HEPHL1: variants seen among roughly 807,000 people sequenced by gnomAD.
HEPHL1 encodes the protein ferroxidase HEPHL1.
Under a neutral mutation model 122.0 loss-of-function variants are expected in HEPHL1, and 123 were observed. The observed-to-expected ratio is 1.01, with a 90% CI of 0.87 to 1.17. The LOEUF is 1.17. Among genes scored for constraint, HEPHL1 ranks in the 50% most tolerant of loss-of-function variants. The pLI is 0.00. For missense variants in HEPHL1, 1,452 were observed against 1,430.5 expected, an observed-to-expected ratio of 1.01 and a Z score of -0.24; for synonymous variants, 527 against 508.9, an observed-to-expected ratio of 1.04 and a Z score of -0.48.
intron 9 of HEPHL1, among the ~76,000 whole-genome samples, chr11:94,081,984 A>G (rs1946173935): frequency 6.6e-6 from 1 of 152,156 alleles, no homozygotes; most frequent in Non-Finnish European, 1.5e-5. Context: ...AACACATGGA[A>G]AGACCCTGAG....
chr11:94,088,525 T>C (rs1487045943), intron 11 of HEPHL1, among the ~76,000 whole-genome samples: 1 of 144,938 alleles, frequency 6.9e-6, no homozygotes, highest in Non-Finnish European at 1.5e-5. Flanking sequence ...TGTAAGTTTC[T>C]TTTTTTATAA....
chr11:94,106,459 A>AT (rs368515324), intron 17 of HEPHL1, among the ~76,000 whole-genome samples: 6 of 150,748 alleles, frequency 4.0e-5, no homozygotes, highest in Admixed American at 4.0e-4. Context: ...CGCCTGGCTA[A>AT]TTTTTTTTGT....
intron 1 of HEPHL1, among the ~76,000 whole-genome samples, chr11:94,031,855 G>A (rs536708721): frequency 9.8e-5 from 15 of 152,324 alleles, no homozygotes; most frequent in African/African-American, 3.1e-4. Context: ...TAAATAGCAC[G>A]GATCTCCTTC....
intron 13 of HEPHL1, among the ~76,000 whole-genome samples, chr11:94,094,746 C>T (rs1433759956): frequency 6.6e-6 from 1 of 152,148 alleles, no homozygotes; most frequent in Non-Finnish European, 1.5e-5. Flanking sequence ...TCTCTGATGG[C>T]CAGTGATGAT....
At chr11:94,023,866 G>A (rs1041978036) in intron 1 of HEPHL1, among the ~76,000 whole-genome samples, 1 of 152,186 alleles carries the variant, frequency 6.6e-6, no homozygotes, top group Non-Finnish European at 1.5e-5. Flanking sequence ...ATCAGTGCTA[G>A]TAGTTGTGGT....
chr11:94,089,664 A>G (rs1946249199), intron 12 of HEPHL1, among the ~76,000 whole-genome samples: 1 of 152,116 alleles, frequency 6.6e-6, no homozygotes, highest in Non-Finnish European at 1.5e-5. Context: ...ATGGAGTTAA[A>G]CAAGGGAGAA....
At chr11:94,094,593 T>G (rs1253850690) in intron 13 of HEPHL1, among the ~76,000 whole-genome samples, 24 of 152,338 alleles carry the variant, frequency 1.6e-4, no homozygotes, top group Middle Eastern at 6.8e-3. Flanking sequence ...CACAATGGTT[T>G]AACTAGTTTA....
chr11:94,064,178 C>T (rs1945782), intron 3 of HEPHL1, among the ~76,000 whole-genome samples, 153 bp from the exon 4 acceptor site: 143,816 of 152,270 alleles, frequency 0.94, 68,442 homozygotes, highest in East Asian at 1. Context: ...GCTCTGTCAT[C>T]TCCATTAAAG....
chr11:94,029,060 C>T (rs1044210500), intron 1 of HEPHL1, among the ~76,000 whole-genome samples: 1 of 152,160 alleles, frequency 6.6e-6, no homozygotes, highest in African/African-American at 2.4e-5. Flanking sequence ...AACTCCTAGC[C>T]TCAAGTGATC....
intron 9 of HEPHL1, among the ~76,000 whole-genome samples, chr11:94,080,387 G>A (rs1946161061): frequency 6.6e-6 from 1 of 152,294 alleles, no homozygotes; most frequent in African/African-American, 2.4e-5. Context: ...ATAGGCACAG[G>A]CAAAGATTTC....
At position 94,112,183 on chromosome 11, in the gene HEPHL1, A is replaced by T; in HGVS notation, c.*289A>T. Reference sequence around the variant, plus strand: ...TGGTTGGATTCACTGAATAGGAGACACTCTGAAAGATATCTTTATATTCCA... The same window carrying T: ...TGGTTGGATTCACTGAATAGGAGACTCTCTGAAAGATATCTTTATATTCCA... On this transcript the variant is annotated 3_prime_UTR_variant, in exon 20 of 20. Coordinates refer to ENST00000315765, the MANE Select transcript of HEPHL1 (RefSeq NM_001098672.2). 1 of 282,976 alleles carries T rather than the reference A, an allele frequency of 3.5e-6. No homozygotes were observed. 17.5% of individuals were successfully genotyped at this position (282,976 alleles called of 1,614,324 possible). A position where few individuals can be genotyped will look rare whatever the true frequency, so the allele number is the denominator to read the frequency against.
chr11:94,051,828 TAGG>T (rs1945892274), intron 2 of HEPHL1, among the ~76,000 whole-genome samples: 1 of 152,082 alleles, frequency 6.6e-6, no homozygotes, highest in South Asian at 2.1e-4. Context: ...TGGTGAGAGA[TAGG>T]AGTCTAGTTT....
chr11:94,058,599 G>A (rs778900121), intron 2 of HEPHL1, among the ~76,000 whole-genome samples: 2 of 152,164 alleles, frequency 1.3e-5, no homozygotes, highest in Non-Finnish European at 2.9e-5. Flanking sequence ...GCCTGAGCCA[G>A]ACCTCTTATA....
intron 1 of HEPHL1, among the ~76,000 whole-genome samples, chr11:94,037,454 G>T (rs983752137): frequency 5.3e-4 from 80 of 152,230 alleles, no homozygotes; most frequent in Middle Eastern, 3.4e-3. Flanking sequence ...AACCTCTGCA[G>T]ACTTAAATGT....
chr11:94,088,122 TGACA>T lies in HEPHL1; in HGVS notation c.2081-627_2081-624del, dbSNP rs376105736. On this transcript the variant is annotated intron_variant, in intron 11 of 19. Transcript: ENST00000315765. ...TTCAATCTAAAAATTACATAATTTT[TGACA>T]GACAGGATTGTCAGTATTATGTAGA... 3.6e-4 allele frequency among the ~76,000 whole-genome samples: 55 copies of T among 152,370 alleles called. No individual in the cohort carries two copies. In the East Asian group the frequency reaches 5.8e-3, roughly 16 times the overall value.
At chr11:94,101,356 G>T in intron 14 of HEPHL1, 21 bp downstream of exon 14, 1 of 1,599,926 alleles carries the variant, frequency 6.3e-7, no homozygotes, top group Non-Finnish European at 8.5e-7. Flanking sequence ...TCAGAGGTCT[G>T]CTCCATCTTG....
Position 94,082,441 on chromosome 11 carries a change from C to T in HEPHL1, c.1740C>T (p.Tyr580=), listed in dbSNP as rs1591481354. The T allele has an allele frequency of 6.2e-7, 1 of 1,611,284 alleles. No homozygotes were observed. ...AGAAAGGAATAGACAAGGAGTTTTA[C>T]CTACTGTTCACAGTCTTTGATGAGA... The part of the protein sequence containing the change: ...GTQKGIDKEF[Y]LLFTVFDENL... The change falls in exon 10 of 20, where the codon TAC becomes TAT. Residue 580 remains tyrosine, a synonymous_variant. Coordinates refer to ENST00000315765, the MANE Select transcript of HEPHL1 (RefSeq NM_001098672.2).
chr11:94,093,971 GATAT>G (rs201036709), intron 13 of HEPHL1, among the ~76,000 whole-genome samples: 1,784 of 72,392 alleles, frequency 0.025, 40 homozygotes, highest in East Asian at 0.046. Flanking sequence ...TCCTCCAGCA[GATAT>G]ATATATATAT....
chr11:94,027,347 G>C (rs1945634165), intron 1 of HEPHL1, among the ~76,000 whole-genome samples: 1 of 152,130 alleles, frequency 6.6e-6, no homozygotes, highest in African/African-American at 2.4e-5. Flanking sequence ...TTATCTTTGG[G>C]ACTTAGGATC....
Sources: gnomAD v4.1 joint callset for allele counts (sites outside exome capture counted in the v4.1 genomes callset) on GRCh38, gnomAD v4.1.1 for gene constraint, MANE v1.5 for transcripts, NCBI Gene and HGNC (gene_info 2026-07-23, HGNC 2026-07-21) for gene names.